FILIP1: variants seen among roughly 807,000 people sequenced by gnomAD.
FILIP1 encodes filamin-A-interacting protein 1.
A neutral mutation model predicts 102.1 loss-of-function variants in FILIP1; 61 were observed. That is an observed-to-expected ratio of 0.60 (90% CI 0.49 to 0.74). The LOEUF (loss-of-function observed/expected upper bound fraction) is 0.74. Among genes scored for constraint, FILIP1 ranks in the 30% least tolerant of loss-of-function variants. The probability of loss-of-function intolerance (pLI) is 0.00; values close to 1 mark genes in which losing one functional copy is unlikely to be tolerated. For missense variants in FILIP1, 1,314 were observed against 1,441.2 expected (o/e 0.91, Z 1.43); for synonymous variants, 491 against 526.9 (o/e 0.93, Z 0.93).
intron 2 of FILIP1, among the ~76,000 whole-genome samples, chr6:75,411,431 A>T (rs545035482): frequency 3.3e-5 from 5 of 152,186 alleles, no homozygotes; most frequent in African/African-American, 1.2e-4. Flanking sequence ...ATTAGATCCC[A>T]TTTGTCAATT....
At chr6:75,441,593 G>T (rs1778233215) in intron 1 of FILIP1, among the ~76,000 whole-genome samples, 1 of 150,586 alleles carries the variant, frequency 6.6e-6, no homozygotes, top group Non-Finnish European at 1.5e-5. Flanking sequence ...GGACGGGGCG[G>T]CTGGCCGGGC....
chr6:75,485,968 A>AAC (rs529165652), intron 1 of FILIP1, among the ~76,000 whole-genome samples: 45,231 of 145,194 alleles, frequency 0.31, 6,988 homozygotes, highest in East Asian at 0.41. Context: ...TTCTGACCAA[A>AAC]ACACACACAC....
chr6:75,333,027 CTT>C (rs1382363455), intron 4 of FILIP1, among the ~76,000 whole-genome samples: 12 of 152,156 alleles, frequency 7.9e-5, no homozygotes, highest in African/African-American at 1.9e-4. Flanking sequence ...TAATTTGTCT[CTT>C]GGGTAAATCC....
chr6:75,445,350 C>T (rs1011259226), intron 1 of FILIP1, among the ~76,000 whole-genome samples: 10 of 152,118 alleles, frequency 6.6e-5, no homozygotes, highest in Non-Finnish European at 1.0e-4. Flanking sequence ...GCACCCTATA[C>T]TGAACTATGT....
chr6:75,376,150 T>C (rs137970612), intron 2 of FILIP1, among the ~76,000 whole-genome samples: 1 of 152,324 alleles, frequency 6.6e-6, no homozygotes, highest in East Asian at 1.9e-4. Context: ...GTGTCCTTAC[T>C]GAATCCATTT....
chr6:75,344,305 T>C (rs890075707), intron 4 of FILIP1, among the ~76,000 whole-genome samples: 1 of 152,168 alleles, frequency 6.6e-6, no homozygotes, highest in Admixed American at 6.5e-5. Flanking sequence ...CACCTCAGTC[T>C]CTCTAATGTC....
chr6:75,449,694 A>G (rs938175344), intron 1 of FILIP1, among the ~76,000 whole-genome samples: 16 of 150,784 alleles, frequency 1.1e-4, no homozygotes, highest in Admixed American at 3.3e-4. Context: ...AAGGAAATGC[A>G]TTTAAAAACT....
intron 1 of FILIP1, among the ~76,000 whole-genome samples, chr6:75,422,408 T>G (rs919470337): frequency 6.6e-6 from 1 of 152,156 alleles, no homozygotes; most frequent in East Asian, 1.9e-4. Flanking sequence ...CCATCTGGCC[T>G]CTGAAGAAAA....
intron 4 of FILIP1, among the ~76,000 whole-genome samples, chr6:75,315,590 T>C (rs925549643): frequency 6.6e-6 from 1 of 152,238 alleles, no homozygotes; most frequent in African/African-American, 2.4e-5. Context: ...TAATGACTAT[T>C]TACATAATGT....
chr6:75,435,223 T>C, intron 1 of FILIP1, among the ~76,000 whole-genome samples: 1 of 151,296 alleles, frequency 6.6e-6, no homozygotes, highest in East Asian at 1.9e-4. Flanking sequence ...GAATTTTTAA[T>C]GTAGCCTTTT....
chr6:75,422,452 G>A (rs1052053392), intron 1 of FILIP1, among the ~76,000 whole-genome samples: 10 of 151,906 alleles, frequency 6.6e-5, no homozygotes, highest in Non-Finnish European at 1.0e-4. Flanking sequence ...TTAAAGTTTC[G>A]AAATGTCTGG....
intron 4 of FILIP1, among the ~76,000 whole-genome samples, chr6:75,327,532 G>A (rs1773907847): frequency 6.8e-6 from 1 of 147,934 alleles, no homozygotes; most frequent in African/African-American, 2.5e-5. Context: ...TTTTTTGTGT[G>A]TGAATATATA....
At chr6:75,487,717 A>G (rs943992710) in intron 1 of FILIP1, among the ~76,000 whole-genome samples, 1 of 151,996 alleles carries the variant, frequency 6.6e-6, no homozygotes, top group East Asian at 1.9e-4. Context: ...TAAAGAATGC[A>G]TTTGGCCAAC....
chr6:75,409,454 A>G (rs1391696314), intron 2 of FILIP1, among the ~76,000 whole-genome samples: 1 of 152,102 alleles, frequency 6.6e-6, no homozygotes, highest in African/African-American at 2.4e-5. Context: ...AAGCAGGCTG[A>G]CCTCACTCAC....
chr6:75,408,867 A>C (rs1424782789), intron 2 of FILIP1, among the ~76,000 whole-genome samples: 1 of 152,162 alleles, frequency 6.6e-6, no homozygotes, highest in Non-Finnish European at 1.5e-5. Context: ...CAACTCCAGA[A>C]GACACCATCC....
intron 1 of FILIP1, among the ~76,000 whole-genome samples, chr6:75,471,051 T>G (rs562305105): frequency 2.8e-4 from 41 of 148,522 alleles, no homozygotes; most frequent in Admixed American, 6.9e-4. Flanking sequence ...TCCCAGCTAC[T>G]CAGGAAGCTA....
intron 2 of FILIP1, among the ~76,000 whole-genome samples, chr6:75,385,268 T>A (rs1382140849): frequency 2.0e-5 from 3 of 152,152 alleles, no homozygotes; most frequent in Non-Finnish European, 4.4e-5. Context: ...TGCAGTAATC[T>A]CACATAGGAA....
chr6:75,301,349 A>C (rs1772830476), intron 6 of FILIP1, among the ~76,000 whole-genome samples: 1 of 152,224 alleles, frequency 6.6e-6, no homozygotes, highest in African/African-American at 2.4e-5. Flanking sequence ...GTTTCATCAT[A>C]TGAAATAATG....
At position 75,433,686 on chromosome 6, in the gene FILIP1, A is replaced by G. The variant is rs1048814812; in HGVS notation, c.-6-18708T>C. On this transcript the variant is annotated intron_variant, in intron 1 of 5. Transcript: ENST00000237172. ...CTCTTTTGCTGTGCAGAAGCTCTTT[A>G]GTTTAATTAGATACCATTTGTCAAT... Among the ~76,000 whole-genome samples the G allele has an allele frequency of 7.2e-5, 11 of 152,264 alleles. No homozygotes were observed. The South Asian group carries it at 2.3e-3, about 32-fold the overall frequency.
Sources: gnomAD v4.1 joint callset for allele counts (sites outside exome capture counted in the v4.1 genomes callset) on GRCh38, gnomAD v4.1.1 for gene constraint, MANE v1.5 for transcripts, NCBI Gene and HGNC (gene_info 2026-07-23, HGNC 2026-07-21) for gene names.